EPHA3: variants seen among roughly 807,000 people sequenced by gnomAD.
EPHA3 encodes the protein EPH receptor A3, also known as ephrin type-A receptor 3.
EPHA3 carries 42 observed loss-of-function variants against 107.1 expected under a neutral mutation model. The observed-to-expected ratio is 0.39, with a 90% CI of 0.31 to 0.51. The LOEUF is 0.51. Among genes scored for constraint, EPHA3 ranks in the 20% least tolerant of loss-of-function variants. EPHA3 has a pLI of 0.78. For missense variants in EPHA3, 1,183 were observed against 1,211.2 expected (o/e 0.98, Z 0.35); for synonymous variants, 461 against 424.8 (o/e 1.09, Z -1.05).
At chr3:89,338,333 C>T (rs887414509) in intron 3 of EPHA3, among the ~76,000 whole-genome samples, 1 of 152,192 alleles carries the variant, frequency 6.6e-6, no homozygotes, top group Non-Finnish European at 1.5e-5. Flanking sequence ...GCCACTTCTA[C>T]TATCTATGTA....
intron 2 of EPHA3, among the ~76,000 whole-genome samples, chr3:89,205,653 A>T (rs1706083055): frequency 6.6e-6 from 1 of 152,212 alleles, no homozygotes; most frequent in African/African-American, 2.4e-5. Context: ...AGGTTGAAAA[A>T]GTATTTTGAG....
At chr3:89,280,681 A>G (rs891925376) in intron 3 of EPHA3, among the ~76,000 whole-genome samples, 1 of 152,176 alleles carries the variant, frequency 6.6e-6, no homozygotes, top group Non-Finnish European at 1.5e-5. Flanking sequence ...GTATGTACAC[A>G]TCCATAAAAT....
intron 2 of EPHA3, among the ~76,000 whole-genome samples, chr3:89,130,989 G>A (rs1031031232): frequency 1.3e-5 from 2 of 152,128 alleles, no homozygotes; most frequent in Admixed American, 1.3e-4. Context: ...CTTGTAGGGA[G>A]ATATGATACT....
intron 3 of EPHA3, among the ~76,000 whole-genome samples, chr3:89,228,307 G>A (rs1428006304): frequency 2.6e-5 from 4 of 151,892 alleles, no homozygotes; most frequent in Non-Finnish European, 5.9e-5. Flanking sequence ...AGATGATATA[G>A]TGTTCCTTTG....
intron 2 of EPHA3, among the ~76,000 whole-genome samples, chr3:89,203,957 G>A (rs1018814891): frequency 7.9e-5 from 12 of 152,066 alleles, no homozygotes; most frequent in African/African-American, 2.9e-4. Context: ...GGGTAAAGCG[G>A]AGACAGAAGG....
intron 3 of EPHA3, among the ~76,000 whole-genome samples, chr3:89,250,804 T>C (rs1165215980): frequency 2.6e-5 from 4 of 152,218 alleles, no homozygotes; most frequent in Non-Finnish European, 4.4e-5. Context: ...ATTTTATGTC[T>C]AATAGCATTT....
intron 2 of EPHA3, among the ~76,000 whole-genome samples, chr3:89,156,987 G>A (rs913867828): frequency 2.0e-5 from 3 of 152,006 alleles, no homozygotes; most frequent in African/African-American, 7.2e-5. Context: ...CACTGCATCA[G>A]TGCACAAATG....
At chr3:89,238,079 G>T (rs1045354260) in intron 3 of EPHA3, among the ~76,000 whole-genome samples, 3 of 151,978 alleles carry the variant, frequency 2.0e-5, no homozygotes, top group African/African-American at 7.3e-5. Context: ...GAATTCCAAG[G>T]CAGAATTTTT....
At chr3:89,389,388 A>G (rs1393821646) in intron 5 of EPHA3, among the ~76,000 whole-genome samples, 1 of 152,224 alleles carries the variant, frequency 6.6e-6, no homozygotes, top group Non-Finnish European at 1.5e-5. Flanking sequence ...AAAATCTTTC[A>G]ACCATTCACT....
In EPHA3 at chr3:89,426,743, G is replaced by A. The variant is rs190226237; in HGVS notation, c.2075-2363G>A. 1.5e-3 allele frequency among the ~76,000 whole-genome samples: 233 copies of A among 151,952 alleles called. 1 individual carries two copies. The highest frequency in any genetic ancestry group is 1.3e-3 in the Non-Finnish European group (90 of 67,844). ...TGATATTGAGAGTTGGTGGTGTGAGGCAAAATATCTGTGACTGCATTTGAA... is the reference window on the plus strand; with the variant it reads ...TGATATTGAGAGTTGGTGGTGTGAGACAAAATATCTGTGACTGCATTTGAA... On this transcript the variant is annotated intron_variant, in intron 11 of 16. Coordinates refer to ENST00000336596, the MANE Select transcript of EPHA3 (RefSeq NM_005233.6).
intron 3 of EPHA3, among the ~76,000 whole-genome samples, chr3:89,336,187 G>A (rs1707388209): frequency 6.6e-6 from 1 of 151,954 alleles, no homozygotes; most frequent in Non-Finnish European, 1.5e-5. Flanking sequence ...TCTCTTATAT[G>A]TGCAACCTCC....
chr3:89,269,442 TTTA>T (rs1308538493), intron 3 of EPHA3, among the ~76,000 whole-genome samples: 1 of 151,850 alleles, frequency 6.6e-6, no homozygotes, highest in Non-Finnish European at 1.5e-5. Flanking sequence ...TTTTTTATAA[TTTA>T]TTATTATTAT....
At chr3:89,243,374 G>T (rs911684147) in intron 3 of EPHA3, among the ~76,000 whole-genome samples, 2 of 152,106 alleles carry the variant, frequency 1.3e-5, no homozygotes, top group African/African-American at 2.4e-5. Context: ...CCCACCAACA[G>T]TGTAAAAGTG....
At chr3:89,217,140 G>T (rs537429296) in intron 3 of EPHA3, among the ~76,000 whole-genome samples, 1 of 152,214 alleles carries the variant, frequency 6.6e-6, no homozygotes, top group African/African-American at 2.4e-5. Flanking sequence ...GAGCTAATAA[G>T]GGTTTACATT....
intron 3 of EPHA3, among the ~76,000 whole-genome samples, chr3:89,240,685 C>T (rs562377535): frequency 8.0e-4 from 121 of 151,770 alleles, no homozygotes; most frequent in African/African-American, 2.2e-3. Context: ...AAAAACCATT[C>T]GCATTCTAGT....
chr3:89,392,550 C>A (rs928765885), intron 5 of EPHA3, among the ~76,000 whole-genome samples: 1 of 151,770 alleles, frequency 6.6e-6, no homozygotes, highest in Admixed American at 6.6e-5. Context: ...TTAATTTTGC[C>A]TGTAGCTCTC....
chr3:89,181,857 A>C (rs1705450609), intron 2 of EPHA3, among the ~76,000 whole-genome samples: 1 of 151,938 alleles, frequency 6.6e-6, no homozygotes, highest in Admixed American at 6.6e-5. Flanking sequence ...CAAAGTAAGA[A>C]ATGGTTTTCA....
intron 15 of EPHA3, among the ~76,000 whole-genome samples, chr3:89,451,215 T>C (rs12152372): frequency 0.22 from 34,083 of 152,096 alleles, 4,133 homozygotes; most frequent in Non-Finnish European, 0.25. Context: ...TATTTAATTT[T>C]ATGCATATTC....
intron 2 of EPHA3, among the ~76,000 whole-genome samples, chr3:89,176,137 T>C (rs1705315921): frequency 6.6e-6 from 1 of 152,182 alleles, no homozygotes; most frequent in South Asian, 2.1e-4. Context: ...TATTAGTATA[T>C]GCCACTGTAG....
Sources: allele counts gnomAD v4.1 joint callset (sites outside exome capture counted in the v4.1 genomes callset), GRCh38; gene constraint gnomAD v4.1.1; transcripts MANE v1.5; gene names NCBI Gene and HGNC (gene_info 2026-07-23, HGNC 2026-07-21).